Variants in LMLN observed in about 807,000 individuals in gnomAD.
The protein encoded by LMLN is leishmanolysin like peptidase.
LMLN carries 70 observed loss-of-function variants against 92.3 expected under a neutral mutation model. The observed-to-expected ratio is 0.76, with a 90% CI of 0.63 to 0.92. The LOEUF (loss-of-function observed/expected upper bound fraction) is 0.92. LMLN is among the 40% of genes least tolerant of loss of function. The probability of loss-of-function intolerance (pLI) is 0.00; values close to 1 mark genes in which losing one functional copy is unlikely to be tolerated. For missense variants in LMLN, 691 were observed against 814.6 expected, an observed-to-expected ratio of 0.85 and a Z score of 1.85; for synonymous variants, 308 against 296.2, an observed-to-expected ratio of 1.04 and a Z score of -0.41.
At chr3:198,005,489 A>G (rs1722267535) in intron 11 of LMLN, among the ~76,000 whole-genome samples, 1 of 152,156 alleles carries the variant, frequency 6.6e-6, no homozygotes, top group East Asian at 1.9e-4. Context: ...CTTCTGGGTT[A>G]TTTATAATAC....
chr3:198,007,130 A>G (rs577860831), intron 11 of LMLN, among the ~76,000 whole-genome samples: 2 of 152,288 alleles, frequency 1.3e-5, no homozygotes, highest in East Asian at 1.9e-4. Flanking sequence ...CTCCCAGTAC[A>G]TAGCTTGTCT....
In LMLN at chr3:197,980,314, C is replaced by T; in HGVS notation, c.550-12C>T. On this transcript the variant is annotated splice_polypyrimidine_tract_variant and intron_variant, in intron 5 of 15. Transcript: ENST00000330198. ...CTCTGTTCTGGCTTTCTGATGTCTC[C>T]CGTGGGTGCAGCAATGCCGGGTCTA... 6.2e-7 allele frequency: 1 copy of T among 1,606,396 alleles called. No homozygotes were observed. Among genetic ancestry groups the T allele is most frequent in the Non-Finnish European group, 8.5e-7 (1 of 1,175,326 alleles).
intron 14 of LMLN, among the ~76,000 whole-genome samples, chr3:198,032,948 G>GTACC (rs1468123342): frequency 6.6e-6 from 1 of 152,144 alleles, no homozygotes; most frequent in Non-Finnish European, 1.5e-5. Context: ...TTACTTCTTG[G>GTACC]TACCAGGTGT....
At chr3:198,041,515 C>A (rs564609700) in exon 16 of LMLN, 1 of 152,090 alleles carries the variant, frequency 6.6e-6, no homozygotes, top group South Asian at 2.1e-4. Context: ...GCCCAAGATA[C>A]CTCATTAGGT....
chr3:197,983,915 T>A, intron 6 of LMLN, 28 bp from the exon 7 acceptor site: 1 of 1,407,560 alleles, frequency 7.1e-7, no homozygotes, highest in Non-Finnish European at 1.0e-6. Context: ...TGGAATGTAA[T>A]TTAAAAATTC....
At chr3:198,007,359 G>A (rs1722323439) in intron 11 of LMLN, among the ~76,000 whole-genome samples, 1 of 152,188 alleles carries the variant, frequency 6.6e-6, no homozygotes, top group Non-Finnish European at 1.5e-5. Context: ...TTTGTATAAG[G>A]TGGGAGACTT....
At chr3:197,969,079 C>T (rs564640645) in intron 1 of LMLN, among the ~76,000 whole-genome samples, 1 of 151,332 alleles carries the variant, frequency 6.6e-6, no homozygotes, top group Admixed American at 6.6e-5. Context: ...AGTTTGTATT[C>T]TCTCTGTCTT....
intron 14 of LMLN, among the ~76,000 whole-genome samples, chr3:198,026,045 C>T (rs758682267): frequency 2.0e-5 from 3 of 151,970 alleles, no homozygotes; most frequent in Non-Finnish European, 4.4e-5. Flanking sequence ...GCCACGAACT[C>T]CCAGGCTCAG....
chr3:197,977,820 C>T (rs902616184), intron 5 of LMLN, among the ~76,000 whole-genome samples: 2 of 151,738 alleles, frequency 1.3e-5, no homozygotes, highest in Admixed American at 6.6e-5. Flanking sequence ...AATCATCAAA[C>T]AGTCTGGAAG....
At chr3:198,011,061 T>C (rs1459884562) in intron 11 of LMLN, among the ~76,000 whole-genome samples, 2 of 152,188 alleles carry the variant, frequency 1.3e-5, no homozygotes, top group African/African-American at 2.4e-5. Context: ...TTGAGTTCTT[T>C]TAAATTTGTT....
intron 4 of LMLN, 73 bp downstream of exon 4, chr3:197,976,184 C>A: frequency 1.1e-6 from 1 of 889,582 alleles, no homozygotes; most frequent in Non-Finnish European, 1.8e-6. Flanking sequence ...ATGAACATGG[C>A]AAGGTATGAA....
chr3:198,014,053 G>C (rs1210598749), intron 11 of LMLN, among the ~76,000 whole-genome samples: 1 of 135,324 alleles, frequency 7.4e-6, no homozygotes, highest in African/African-American at 3.0e-5. Flanking sequence ...TGACTTCTCT[G>C]TACCCTTCAG....
rs1234882261 is a variant in LMLN at position 198,016,245 on chromosome 3, A to G, written c.1233-3008A>G. ...GAAAATACTATTCTCATCTTTTCTC[A>G]CCTAGGTTAGGTCATAAAGCAATTT... On this transcript the variant is annotated intron_variant, in intron 11 of 15. Transcript: ENST00000330198. 7.2e-5 allele frequency among the ~76,000 whole-genome samples: 11 copies of G among 151,876 alleles called. No individual in the cohort carries two copies. In the East Asian group the frequency reaches 1.9e-3, roughly 27 times the overall value.
rs1336823050 is a variant in LMLN at position 197,996,213 on chromosome 3, G to A, written c.1086G>A (p.Glu362=). ...AACATTTTGATTGTCCAGTTCTAGA[G>A]GGAATGGAACTTGAAAATCAAGGTG... is the stretch of plus-strand genomic sequence containing the variant. Residue 362 remains glutamate (E), a synonymous_variant, in exon 10 of 16, where the codon GAG becomes GAA. Coordinates refer to ENST00000330198, the Ensembl canonical transcript of LMLN. 1.9e-6 allele frequency: 3 copies of A among 1,605,198 alleles called. No homozygotes were observed. The East Asian group carries it at 6.8e-5, about 36-fold the overall frequency.
At chr3:198,002,724 C>A (rs968104291) in intron 11 of LMLN, among the ~76,000 whole-genome samples, 22 of 152,182 alleles carry the variant, frequency 1.4e-4, no homozygotes, top group East Asian at 7.7e-4. Context: ...GGTGACAGAG[C>A]AAGACCCTGT....
chr3:198,015,067 C>T (rs1238496693), intron 11 of LMLN, among the ~76,000 whole-genome samples: 2 of 149,238 alleles, frequency 1.3e-5, no homozygotes, highest in Non-Finnish European at 3.0e-5. Flanking sequence ...CCTTCAGAGC[C>T]TCCTAACTAG....
chr3:197,988,599 A>G (rs981540963), intron 8 of LMLN, among the ~76,000 whole-genome samples: 7 of 143,610 alleles, frequency 4.9e-5, no homozygotes, highest in Admixed American at 4.5e-4. Flanking sequence ...GGCTCAGGTG[A>G]TCTTCCCACC....
chr3:198,025,454 C>T lies in LMLN; in HGVS notation c.1656+666C>T, dbSNP rs1722907355. Among the ~76,000 whole-genome samples, 1 of 152,048 alleles carries T rather than the reference C, an allele frequency of 6.6e-6. No individual in the cohort carries two copies. The highest frequency in any genetic ancestry group is 2.4e-5 in the African/African-American group (1 of 41,402). On this transcript the variant is annotated intron_variant, in intron 14 of 15. Transcript: ENST00000330198. This position sits in a 1 kb window ranked among gnomAD's most constrained non-coding sequence, Gnocchi z 4.3. ...TGCTGCAGTCACGGCTCATTATATC[C>T]TCTACCTCCTGGGTTCAAGCGACCT...
chr3:198,007,237 A>G (rs530648870), intron 11 of LMLN, among the ~76,000 whole-genome samples: 2 of 152,236 alleles, frequency 1.3e-5, no homozygotes, highest in African/African-American at 4.8e-5. Context: ...CTTTGATGTC[A>G]AGTCTAAGAA....
Sources: gnomAD v4.1 joint callset for allele counts (sites outside exome capture counted in the v4.1 genomes callset) on GRCh38, gnomAD v4.1.1 for gene constraint, Gnocchi (gnomAD v3.1) non-coding constraint, MANE v1.5 for transcripts, NCBI Gene and HGNC (gene_info 2026-07-23, HGNC 2026-07-21) for gene names.